DDX46: variants seen among roughly 807,000 people sequenced by gnomAD.
DDX46 encodes the protein DEAD-box helicase 46, also known as probable ATP-dependent RNA helicase DDX46.
In DDX46, 30 loss-of-function variants were observed where a neutral mutation model predicts 134.9. The observed-to-expected ratio is 0.22, with a 90% CI of 0.17 to 0.30. The LOEUF (loss-of-function observed/expected upper bound fraction) is 0.30, where lower values mean the gene tolerates loss of function less well. Ranked by LOEUF, DDX46 falls within the 10% of genes least tolerant of loss-of-function variation. The probability of loss-of-function intolerance (pLI) is 1.00; values close to 1 mark genes in which losing one functional copy is unlikely to be tolerated. For missense variants in DDX46, 622 were observed against 1,248.7 expected, an observed-to-expected ratio of 0.50 and a Z score of 7.56; for synonymous variants, 415 against 404.1, an observed-to-expected ratio of 1.03 and a Z score of -0.32.
chr5:134,806,647 T>C (rs1248682482), intron 15 of DDX46, among the ~76,000 whole-genome samples: 3 of 152,240 alleles, frequency 2.0e-5, no homozygotes, highest in Non-Finnish European at 4.4e-5. Context: ...CCTTGAAGAG[T>C]ACCTTTAAAA....
chr5:134,801,932 A>C (rs1291741701), intron 15 of DDX46, among the ~76,000 whole-genome samples: 1 of 152,078 alleles, frequency 6.6e-6, no homozygotes, highest in Non-Finnish European at 1.5e-5. Flanking sequence ...TAGGGATGGT[A>C]TTATTTGTAT....
At chr5:134,784,268 C>T in intron 9 of DDX46, 98 bp from the exon 10 acceptor site, 4 of 1,265,782 alleles carry the variant, frequency 3.2e-6, no homozygotes, top group South Asian at 1.6e-5. Flanking sequence ...TGATATATAC[C>T]ACCTTTTGGA....
chr5:134,776,120 G>A (rs1328309227), intron 5 of DDX46, among the ~76,000 whole-genome samples: 1 of 152,132 alleles, frequency 6.6e-6, no homozygotes, highest in Admixed American at 6.6e-5. Context: ...GGCTGGGCGC[G>A]CTGGTGCATG....
intron 2 of DDX46, among the ~76,000 whole-genome samples, chr5:134,765,300 C>T (rs1208122873): frequency 6.7e-6 from 1 of 149,918 alleles, no homozygotes; most frequent in Admixed American, 6.7e-5. Flanking sequence ...AATCCCAGCA[C>T]TTTGGGAGGC....
chr5:134,810,269 A>G lies in DDX46; in HGVS notation c.2149-952A>G, dbSNP rs1755104431. The stretch of plus-strand genomic sequence containing the variant: ...CTAGCGAGACTCCATCTCAAAAAAA[A>G]AAAGGAAAAACAAAAAACAAAATCA... On this transcript the variant is annotated intron_variant, in intron 16 of 22. Coordinates refer to ENST00000452510, the MANE Select transcript of DDX46 (RefSeq NM_001300860.2). Among the ~76,000 whole-genome samples the G allele has an allele frequency of 1.3e-5, 2 of 151,788 alleles. 1 individual carries two copies. The highest frequency in any genetic ancestry group is 4.1e-4 in the South Asian group (2 of 4,824).
chr5:134,798,182 T>TG (rs1476257225), intron 15 of DDX46, among the ~76,000 whole-genome samples: 2 of 149,996 alleles, frequency 1.3e-5, no homozygotes, highest in African/African-American at 2.5e-5. Context: ...CGTTTTTTTT[T>TG]TTTTGTTGTT....
intron 9 of DDX46, among the ~76,000 whole-genome samples, chr5:134,784,095 A>G (rs759162416): frequency 3.3e-5 from 5 of 152,142 alleles, no homozygotes; most frequent in Admixed American, 2.6e-4. Context: ...TGTCTCTAGA[A>G]TAGATTTGGC....
intron 15 of DDX46, chr5:134,797,021 A>G: frequency 5.0e-6 from 1 of 200,110 alleles, no homozygotes; most frequent in South Asian, 7.1e-5. Flanking sequence ...ATGGTGGTGC[A>G]TGCCTGTAAT....
At position 134,789,285 on chromosome 5, in the gene DDX46, C is replaced by A. The variant is rs554806596; in HGVS notation, c.1543+694C>A. The A allele has an allele frequency of 3.9e-5, 6 of 152,198 alleles. No individual in the cohort carries two copies. The South Asian group carries it at 1.2e-3, about 32-fold the overall frequency. 9.4% of individuals were successfully genotyped at this position (152,198 alleles called of 1,614,324 possible). On this transcript the variant is annotated intron_variant, in intron 12 of 22. Coordinates refer to ENST00000452510, the MANE Select transcript of DDX46 (RefSeq NM_001300860.2). ...CAAAGGTAGGTAATTTAATGCTGTTCCCGACCTTGCAAAACTAATTGGGGC... is the reference window on the plus strand; with the variant it reads ...CAAAGGTAGGTAATTTAATGCTGTTACCGACCTTGCAAAACTAATTGGGGC...
intron 1 of DDX46, among the ~76,000 whole-genome samples, chr5:134,763,280 A>T (rs1753453233): frequency 6.6e-6 from 1 of 152,198 alleles, no homozygotes; most frequent in Non-Finnish European, 1.5e-5. Context: ...TCCTCTGCTT[A>T]AAGTCTTCCA....
intron 13 of DDX46, 39 bp from the exon 14 acceptor site, chr5:134,794,811 T>C: frequency 6.2e-7 from 1 of 1,609,740 alleles, no homozygotes; most frequent in Non-Finnish European, 8.5e-7. Context: ...TTGAAGACCA[T>C]ATTTACCATA....
chr5:134,779,652 C>T (rs1318142039), intron 6 of DDX46, among the ~76,000 whole-genome samples: 2 of 151,948 alleles, frequency 1.3e-5, no homozygotes, highest in African/African-American at 4.8e-5. Context: ...GCATGTACCA[C>T]CACATCTGGC....
At chr5:134,824,396 G>A (rs1231744336) in intron 21 of DDX46, among the ~76,000 whole-genome samples, 2 of 152,148 alleles carry the variant, frequency 1.3e-5, no homozygotes, top group African/African-American at 2.4e-5. Context: ...TTTGAGACCA[G>A]CCTGGCCAAC....
chr5:134,795,206 T>TTTTTTTTTTTA (rs1754616903), intron 14 of DDX46, among the ~76,000 whole-genome samples, 192 bp downstream of exon 14: 1 of 137,680 alleles, frequency 7.3e-6, no homozygotes, highest in African/African-American at 2.9e-5. Flanking sequence ...AAATGCTTGT[T>TTTTTTTTTTTA]TTTTTTTTTT....
At chr5:134,773,515 T>G (rs1753838512) in intron 4 of DDX46, among the ~76,000 whole-genome samples, 181 bp from the exon 5 acceptor site, 1 of 152,166 alleles carries the variant, frequency 6.6e-6, no homozygotes, top group African/African-American at 2.4e-5. Context: ...TGGTAATATA[T>G]TTGTGTGTAT....
At chr5:134,793,110 T>G (rs910646767) in intron 13 of DDX46, among the ~76,000 whole-genome samples, 4 of 152,214 alleles carry the variant, frequency 2.6e-5, no homozygotes, top group Admixed American at 2.6e-4. Flanking sequence ...TGAGCCAACA[T>G]AATACCTCTG....
At chr5:134,764,271 CAG>C (rs1463450724) in intron 2 of DDX46, among the ~76,000 whole-genome samples, 179 bp downstream of exon 2, 5 of 148,956 alleles carry the variant, frequency 3.4e-5, no homozygotes, top group African/African-American at 4.9e-5. Flanking sequence ...CTCTATCAAA[CAG>C]TGTTTTTTTT....
intron 20 of DDX46, among the ~76,000 whole-genome samples, chr5:134,817,951 G>GTT (rs554975530): frequency 7.4e-5 from 10 of 134,838 alleles, no homozygotes; most frequent in South Asian, 2.4e-4. Context: ...CTTGTTTGTT[G>GTT]TTTTTTTTTT....
chr5:134,805,265 G>T (rs1480217532), intron 15 of DDX46: 1 of 154,996 alleles, frequency 6.5e-6, no homozygotes, highest in Non-Finnish European at 1.4e-5. Flanking sequence ...CTGCCTCCCG[G>T]GTTCAAGCTA....
Sources: allele counts gnomAD v4.1 joint callset (sites outside exome capture counted in the v4.1 genomes callset), GRCh38; gene constraint gnomAD v4.1.1; transcripts MANE v1.5; gene names NCBI Gene and HGNC (gene_info 2026-07-23, HGNC 2026-07-21).